Variants in SUSD3 observed in about 807,000 individuals in gnomAD.
The protein encoded by SUSD3 is sushi domain-containing protein 3.
A neutral mutation model predicts 20.6 loss-of-function variants in SUSD3; 18 were observed. That is an observed-to-expected ratio of 0.87 (90% CI 0.60 to 1.30). SUSD3 has a LOEUF of 1.30. SUSD3 is among the 50% of genes most tolerant of loss of function. The pLI is 0.00. For missense variants in SUSD3, 306 were observed against 346.9 expected, an observed-to-expected ratio of 0.88 and a Z score of 0.94; for synonymous variants, 137 against 141.5, an observed-to-expected ratio of 0.97 and a Z score of 0.23.
chr9:93,077,883 C>T lies in SUSD3; in HGVS notation c.315C>T (p.Ala105=), dbSNP rs769834884. 25 of 1,614,086 alleles carry T rather than the reference C, an allele frequency of 1.5e-5. No individual in the cohort carries two copies. Among genetic ancestry groups the T allele is most frequent in the Non-Finnish European group, 1.9e-5 (22 of 1,180,042 alleles). Residue 105 remains alanine, a synonymous_variant, in exon 3 of 5, where the codon GCC becomes GCT. Coordinates refer to ENST00000375472, the MANE Select transcript of SUSD3 (RefSeq NM_145006.4). Reference sequence around the variant, plus strand: ...ACGAGACCTTTGGCTTCAAGGTGGCCGTGATCGCCTCCATTGTGAGCTGTG... The same window carrying T: ...ACGAGACCTTTGGCTTCAAGGTGGCTGTGATCGCCTCCATTGTGAGCTGTG... ...PPHETFGFKV[A]VIASIVSCAI...
intron 1 of SUSD3, among the ~76,000 whole-genome samples, chr9:93,061,351 ACAC>A (rs1029449454): frequency 1.2e-4 from 19 of 152,258 alleles, no homozygotes; most frequent in African/African-American, 4.3e-4. Context: ...CAAGGCAGAC[ACAC>A]CCTGTGATGC....
In SUSD3 at chr9:93,077,865, C is replaced by G; in HGVS notation, c.297C>G (p.Thr99=). ...PVCKLVPPHE[T]FGFKVAVIAS... is the part of the protein sequence containing the mutation. ...ACACAGTGGTGCCACCACACGAGAC[C>G]TTTGGCTTCAAGGTGGCCGTGATCG... is the stretch of plus-strand genomic sequence containing the variant. Residue 99 remains threonine, a synonymous_variant, in exon 3 of 5, where the codon ACC becomes ACG. Transcript: ENST00000375472. 6.2e-7 allele frequency: 1 copy of G among 1,614,222 alleles called. No homozygotes were observed. The highest frequency in any genetic ancestry group is 8.5e-7 in the Non-Finnish European group (1 of 1,180,034).
intron 1 of SUSD3, among the ~76,000 whole-genome samples, chr9:93,060,806 C>T (rs1044314661): frequency 1.3e-5 from 2 of 152,202 alleles, no homozygotes; most frequent in Non-Finnish European, 2.9e-5. Flanking sequence ...CACTGCACTC[C>T]ACCCTGGGCA....
intron 4 of SUSD3, among the ~76,000 whole-genome samples, chr9:93,080,610 C>G (rs1050988895): frequency 6.6e-6 from 1 of 152,260 alleles, no homozygotes; most frequent in Non-Finnish European, 1.5e-5. Flanking sequence ...ATGGGCCAGG[C>G]TGCCCCCACG....
intron 1 of SUSD3, 145 bp downstream of exon 1, chr9:93,058,975 C>T (rs1401043260): frequency 4.3e-6 from 2 of 462,788 alleles, no homozygotes; most frequent in African/African-American, 4.0e-5. Flanking sequence ...CTCCTCGACC[C>T]TCCGCCGGCC....
At chr9:93,061,296 A>G in intron 1 of SUSD3, among the ~76,000 whole-genome samples, 1 of 152,242 alleles carries the variant, frequency 6.6e-6, no homozygotes, top group East Asian at 1.9e-4. Context: ...TGTCCATTTT[A>G]CAGAGGAGAA....
intron 1 of SUSD3, among the ~76,000 whole-genome samples, chr9:93,074,616 C>CTTTTTTT (rs989411910): frequency 1.3e-4 from 13 of 96,352 alleles, no homozygotes; most frequent in African/African-American, 2.3e-4. Context: ...GCAGCAGATT[C>CTTTTTTT]TTTTTTTTTT....
intron 4 of SUSD3, 94 bp from the exon 5 acceptor site, chr9:93,084,443 C>T: frequency 8.2e-7 from 1 of 1,213,594 alleles, no homozygotes; most frequent in Non-Finnish European, 1.1e-6. Context: ...TTGCCCCAGG[C>T]CCACTGGAGG....
At chr9:93,080,852 A>C (rs972528223) in intron 4 of SUSD3, among the ~76,000 whole-genome samples, 1 of 152,206 alleles carries the variant, frequency 6.6e-6, no homozygotes, top group Non-Finnish European at 1.5e-5. Flanking sequence ...AGGGATGAGG[A>C]TGAGCTGTTT....
chr9:93,076,343 G>A (rs1826167911), intron 2 of SUSD3, among the ~76,000 whole-genome samples: 1 of 149,586 alleles, frequency 6.7e-6, no homozygotes, highest in Non-Finnish European at 1.5e-5. Flanking sequence ...ATTCATTCAT[G>A]TACAGGTGCA....
chr9:93,075,540 CT>C (rs141399539), intron 1 of SUSD3, among the ~76,000 whole-genome samples: 2 of 147,736 alleles, frequency 1.4e-5, no homozygotes, highest in Non-Finnish European at 3.0e-5. Context: ...ACACTTATTT[CT>C]TTTTTTAATG....
chr9:93,078,275 G>C (rs1460680823), intron 3 of SUSD3, among the ~76,000 whole-genome samples: 1 of 151,992 alleles, frequency 6.6e-6, no homozygotes, highest in Non-Finnish European at 1.5e-5. Context: ...TATTTTTTTT[G>C]AGACGGAGTC....
Position 93,075,979 on chromosome 9 carries a change from A to C in SUSD3, c.277+7A>C. 2 of 1,570,086 alleles carry C rather than the reference A, an allele frequency of 1.3e-6. No homozygotes were observed. Among genetic ancestry groups the C allele is most frequent in the Non-Finnish European group, 1.7e-6 (2 of 1,152,084 alleles). On this transcript the variant is annotated splice_region_variant and intron_variant, in intron 2 of 4. Coordinates refer to ENST00000375472, the MANE Select transcript of SUSD3 (RefSeq NM_145006.4). ...GGGTCCCCAGTGTGCAAACGTAAGG[A>C]CCCCTCTCTCAGCTCGGTGGCTCTG...
At chr9:93,064,734 G>A (rs1237724184) in intron 1 of SUSD3, among the ~76,000 whole-genome samples, 2 of 152,226 alleles carry the variant, frequency 1.3e-5, no homozygotes, top group African/African-American at 4.8e-5. Context: ...GAAGTCAGCT[G>A]TGGAGGTGGC....
chr9:93,066,120 C>G lies in SUSD3; in HGVS notation c.88+7290C>G, dbSNP rs534648315. Among the ~76,000 whole-genome samples the G allele has an allele frequency of 3.9e-5, 6 of 152,340 alleles. No individual in the cohort carries two copies. In the South Asian group the frequency reaches 1.2e-3, roughly 32 times the overall value. On this transcript the variant is annotated intron_variant, in intron 1 of 4. Transcript: ENST00000375472. ...GGCAGGGCAGCTCCTCAGGCCCTCCCCACTCTGTGTACCGCCCCTAGAAAT... is the reference window on the plus strand; with the variant it reads ...GGCAGGGCAGCTCCTCAGGCCCTCCGCACTCTGTGTACCGCCCCTAGAAAT...
chr9:93,070,745 C>A (rs1023057114), intron 1 of SUSD3, among the ~76,000 whole-genome samples: 1 of 152,230 alleles, frequency 6.6e-6, no homozygotes, highest in Non-Finnish European at 1.5e-5. Context: ...GCTCCCTTGC[C>A]TGGGCCCCCA....
At chr9:93,059,276 G>A (rs1353412868) in intron 1 of SUSD3, among the ~76,000 whole-genome samples, 1 of 152,192 alleles carries the variant, frequency 6.6e-6, no homozygotes, top group Non-Finnish European at 1.5e-5. Flanking sequence ...ACGATTCCTT[G>A]GTGACCAGCG....
rs115500808 is a variant in SUSD3 at position 93,063,893 on chromosome 9, G to A, written c.88+5063G>A. Among the ~76,000 whole-genome samples, 679 of 152,300 alleles carry A rather than the reference G, an allele frequency of 4.5e-3. 13 individuals are homozygous for A. The highest frequency in any genetic ancestry group is 0.015 in the African/African-American group (639 of 41,560). Reference sequence around the variant, plus strand: ...GCCCCACCAGGCACCATCCTTCTCTGCTCATGGACAGTTGGGCTGGCATCA... The same window carrying A: ...GCCCCACCAGGCACCATCCTTCTCTACTCATGGACAGTTGGGCTGGCATCA... On this transcript the variant is annotated intron_variant, in intron 1 of 4. Coordinates refer to ENST00000375472, the MANE Select transcript of SUSD3 (RefSeq NM_145006.4).
chr9:93,063,370 G>A (rs566537609), intron 1 of SUSD3, among the ~76,000 whole-genome samples: 2 of 152,230 alleles, frequency 1.3e-5, no homozygotes, highest in East Asian at 1.9e-4. Context: ...GACCCCAGGC[G>A]GGCAAGTCAC....
Sources: gnomAD v4.1 joint callset for allele counts (sites outside exome capture counted in the v4.1 genomes callset) on GRCh38, gnomAD v4.1.1 for gene constraint, MANE v1.5 for transcripts, NCBI Gene and HGNC (gene_info 2026-07-23, HGNC 2026-07-21) for gene names.